The following NPSR1 variants were observed in gnomAD, a reference collection of about 807,000 sequenced individuals.
The protein encoded by NPSR1 is neuropeptide S receptor.
Under a neutral mutation model 46.9 loss-of-function variants are expected in NPSR1, and 48 were observed. The observed-to-expected ratio is 1.02, with a 90% confidence interval of 0.81 to 1.30. The LOEUF (loss-of-function observed/expected upper bound fraction) is 1.30, where lower values mean the gene tolerates loss of function less well. Ranked by LOEUF, NPSR1 falls within the 50% of genes most tolerant of loss-of-function variation. The pLI is 0.00. For missense variants in NPSR1, 450 were observed against 449.5 expected (o/e 1.00, Z -0.01); for synonymous variants, 176 against 168.1 (o/e 1.05, Z -0.36).
intron 6 of NPSR1, among the ~76,000 whole-genome samples, chr7:34,840,967 C>T (rs1244121323): frequency 6.6e-6 from 1 of 152,142 alleles, no homozygotes; most frequent in Non-Finnish European, 1.5e-5. Flanking sequence ...AAATACTGAA[C>T]TGATGAGTTC....
At chr7:34,802,575 T>C (rs866596893) in intron 3 of NPSR1, among the ~76,000 whole-genome samples, 1 of 149,342 alleles carries the variant, frequency 6.7e-6, no homozygotes, top group African/African-American at 2.6e-5. Flanking sequence ...TCAAGATGGA[T>C]TAAAGACTAA....
intron 2 of NPSR1, among the ~76,000 whole-genome samples, chr7:34,730,040 C>T (rs988139631): frequency 3.3e-5 from 5 of 152,162 alleles, no homozygotes; most frequent in African/African-American, 1.2e-4. Flanking sequence ...TCCCAAAGTG[C>T]TGGGATTACA....
At chr7:34,735,767 C>T (rs1030725265) in intron 2 of NPSR1, among the ~76,000 whole-genome samples, 2 of 152,084 alleles carry the variant, frequency 1.3e-5, no homozygotes, top group African/African-American at 4.8e-5. Context: ...CTTTTCATTA[C>T]GGGGCTATTT....
downstream of NPSR1, among the ~76,000 whole-genome samples, chr7:34,853,277 A>C (rs1489156240): frequency 1.3e-5 from 2 of 152,222 alleles, no homozygotes; most frequent in African/African-American, 4.8e-5. Flanking sequence ...AAATAAAGTG[A>C]TTCTGCTCTT....
At chr7:34,835,036 G>A (rs1222352282) in intron 6 of NPSR1, among the ~76,000 whole-genome samples, 2 of 152,148 alleles carry the variant, frequency 1.3e-5, no homozygotes, top group Admixed American at 6.5e-5. Context: ...AGAGCCTCTC[G>A]TATGCAATAG....
chr7:34,818,930 AAAG>A (rs1287195734), intron 4 of NPSR1, among the ~76,000 whole-genome samples: 1 of 152,244 alleles, frequency 6.6e-6, no homozygotes, highest in Non-Finnish European at 1.5e-5. Context: ...AAGATGGATT[AAAG>A]ACTTAAATGT....
intron 1 of NPSR1, among the ~76,000 whole-genome samples, chr7:34,672,361 T>C (rs1792101503): frequency 1.3e-5 from 2 of 152,292 alleles, no homozygotes; most frequent in South Asian, 4.1e-4. Context: ...CAAGAACAAA[T>C]TGCAAGAAGA....
chr7:34,661,292 C>A (rs1791439343), intron 1 of NPSR1, among the ~76,000 whole-genome samples: 2 of 152,038 alleles, frequency 1.3e-5, no homozygotes, highest in Admixed American at 6.6e-5. Flanking sequence ...CCAATGAGAC[C>A]AAAGTCGGTT....
intron 2 of NPSR1, among the ~76,000 whole-genome samples, chr7:34,748,055 G>T (rs1785303885): frequency 6.6e-6 from 1 of 152,154 alleles, no homozygotes; most frequent in Admixed American, 6.5e-5. Flanking sequence ...GCTCTTGCCA[G>T]CTCACAGCAA....
chr7:34,770,425 GC>G (rs764539054), intron 2 of NPSR1, among the ~76,000 whole-genome samples: 97 of 152,294 alleles, frequency 6.4e-4, no homozygotes, highest in Non-Finnish European at 1.0e-3. Flanking sequence ...GATCCCATGT[GC>G]TTGCCAATGC....
At chr7:34,837,713 T>C (rs1452090707) in intron 6 of NPSR1, among the ~76,000 whole-genome samples, 1 of 152,194 alleles carries the variant, frequency 6.6e-6, no homozygotes, top group Non-Finnish European at 1.5e-5. Flanking sequence ...CAACTGGTAT[T>C]CAAATGCACA....
intron 2 of NPSR1, among the ~76,000 whole-genome samples, chr7:34,689,680 T>C (rs1371130847): frequency 6.8e-6 from 1 of 148,006 alleles, no homozygotes; most frequent in Non-Finnish European, 1.5e-5. Flanking sequence ...TGGTGGTTTA[T>C]GCCTGTAGTC....
chr7:34,675,043 C>T (rs760070714), intron 1 of NPSR1, among the ~76,000 whole-genome samples: 1 of 152,206 alleles, frequency 6.6e-6, no homozygotes, highest in African/African-American at 2.4e-5. Flanking sequence ...AGCAAAACTA[C>T]ATGCAAATCC....
In NPSR1 at chr7:34,820,777, G is replaced by C. The variant is rs1465112813; in HGVS notation, c.479-6624G>C. On this transcript the variant is annotated intron_variant, in intron 4 of 8. Coordinates refer to ENST00000360581, the MANE Select transcript of NPSR1 (RefSeq NM_207172.2). The stretch of plus-strand genomic sequence containing the variant: ...TTATAGTTAGATTTAAATTTTTTCT[G>C]GTTGACAATTGGTTGAGTTTATCTA... Among the ~76,000 whole-genome samples, 6 of 152,246 alleles carry C rather than the reference G, an allele frequency of 3.9e-5. No individual in the cohort carries two copies. In the East Asian group the frequency reaches 1.2e-3, roughly 29 times the overall value.
rs1484471300 is a variant in NPSR1, at chr7:34,848,550, C to T, written c.912C>T (p.Asp304=). The T allele has an allele frequency of 1.2e-6, 2 of 1,614,066 alleles. No homozygotes were observed. The highest frequency in any genetic ancestry group is 1.3e-5 in the African/African-American group (1 of 74,936). Residue 304 remains aspartate, a synonymous_variant, in exon 8 of 9, where the codon GAC becomes GAT. Coordinates refer to ENST00000360581, the MANE Select transcript of NPSR1 (RefSeq NM_207172.2). The part of the protein sequence containing the change: ...DILDNFNLLP[D]TQERFYASVI... Reference sequence around the variant, plus strand: ...TGGACAATTTCAACCTCCTTCCAGACACCCAGGAGCGTTTCTATGCCTCTG... The same window carrying T: ...TGGACAATTTCAACCTCCTTCCAGATACCCAGGAGCGTTTCTATGCCTCTG...
intron 5 of NPSR1, among the ~76,000 whole-genome samples, chr7:34,832,092 A>G (rs1165387012): frequency 6.6e-6 from 1 of 152,216 alleles, no homozygotes; most frequent in Admixed American, 6.5e-5. Context: ...CAATAAAAGT[A>G]GTCATCAAAA....
chr7:34,670,203 AT>A (rs1239197724), intron 1 of NPSR1, among the ~76,000 whole-genome samples: 1 of 152,202 alleles, frequency 6.6e-6, no homozygotes, highest in Non-Finnish European at 1.5e-5. Context: ...ATGTTTCCCT[AT>A]TAGTTATTAA....
At chr7:34,708,051 A>G (rs1243095140) in intron 2 of NPSR1, among the ~76,000 whole-genome samples, 1 of 152,142 alleles carries the variant, frequency 6.6e-6, no homozygotes, top group East Asian at 1.9e-4. Flanking sequence ...GGGCCCACCC[A>G]GAATTACCTC....
rs573890347 is a variant in NPSR1, at chr7:34,712,683, G to A, written c.280+27999G>A. 9.8e-5 allele frequency among the ~76,000 whole-genome samples: 15 copies of A among 152,292 alleles called. No homozygotes were observed. In the South Asian group the frequency reaches 2.3e-3, roughly 23 times the overall value. On this transcript the variant is annotated intron_variant, in intron 2 of 8. Coordinates refer to ENST00000360581, the MANE Select transcript of NPSR1 (RefSeq NM_207172.2). ...GAAATCCCTGAGCAGAGGAACAACC[G>A]AAACAGAGATGTATTTAAGCTTATA...
Sources: allele counts gnomAD v4.1 joint callset (sites outside exome capture counted in the v4.1 genomes callset), GRCh38; gene constraint gnomAD v4.1.1; transcripts MANE v1.5; gene names NCBI Gene and HGNC (gene_info 2026-07-23, HGNC 2026-07-21).